Variants in HDX observed in about 807,000 individuals in gnomAD.
HDX encodes chromosome X open reading frame 43.
HDX carries 19 observed loss-of-function variants against 45.2 expected under a neutral mutation model. The ratio of observed to expected loss-of-function variants is 0.42; its 90% CI spans 0.29 to 0.62. The LOEUF is 0.62. HDX is among the 20% of genes least tolerant of loss of function. The pLI is 0.20. For missense variants in HDX, 532 were observed against 493.9 expected (o/e 1.08, Z -0.73); for synonymous variants, 188 against 172.8 (o/e 1.09, Z -0.69).
chrX:84,327,917 G>T (rs1329621503), intron 9 of HDX, among the ~76,000 whole-genome samples: 1 of 110,749 alleles, frequency 9.0e-6, no homozygotes, highest in African/African-American at 3.3e-5. Context: ...TTGAACTACT[G>T]TGCTCAAGGG....
intron 6 of HDX, among the ~76,000 whole-genome samples, chrX:84,355,076 G>T (rs1299210408): frequency 9.5e-6 from 1 of 105,230 alleles, no homozygotes; most frequent in Non-Finnish European, 2.0e-5. Flanking sequence ...AGATAATAGG[G>T]AGTTTGCCAT....
rs2036706604 is a variant in HDX at position 84,326,187 on chromosome X, T to C, written c.1938A>G (p.Glu646=). 8.3e-7 allele frequency: 1 copy of C among 1,207,844 alleles called. No individual in the cohort carries two copies. ...LILAMKADDK[E]QQQALLSDLP... ...CTTTCCTGGGACCTACCTGCTGTTG[T>C]TCCTTATCATCAGCTTTCATTGCTA... Residue 646 remains glutamate, a synonymous_variant, in exon 10 of 11, where the codon GAA becomes GAG. Transcript: ENST00000373177.
chrX:84,445,442 G>A (rs1191442812), intron 4 of HDX, among the ~76,000 whole-genome samples: 2 of 110,131 alleles, frequency 1.8e-5, no homozygotes, highest in Non-Finnish European at 3.8e-5. Flanking sequence ...CAACTATGAG[G>A]TGTACAGCAC....
In HDX at chrX:84,427,680, G is replaced by T. The variant is rs191742668; in HGVS notation, c.1305+12852C>A. Among the ~76,000 whole-genome samples, 8 of 110,953 alleles carry T rather than the reference G, an allele frequency of 7.2e-5. No homozygotes were observed. In the East Asian group the frequency reaches 2.3e-3, roughly 31 times the overall value. On this transcript the variant is annotated intron_variant, in intron 5 of 10. Transcript: ENST00000373177. ...TGTAGTTTTTTTCCTATATAGAAAT[G>T]CACAATTTGTTCATTTACCTGTTAG...
At chrX:84,342,198 A>T (rs918110262) in intron 7 of HDX, among the ~76,000 whole-genome samples, 1 of 111,709 alleles carries the variant, frequency 9.0e-6, no homozygotes, top group African/African-American at 3.2e-5. Flanking sequence ...ATGTCCAACC[A>T]CTATCTAAAA....
At chrX:84,439,948 C>G (rs982439852) in intron 5 of HDX, 1 of 111,369 alleles carries the variant, frequency 9.0e-6, no homozygotes, top group Non-Finnish European at 1.9e-5. Flanking sequence ...TATATAGGGA[C>G]CAGTCACATC....
At chrX:84,400,686 A>G (rs184438063) in intron 5 of HDX, among the ~76,000 whole-genome samples, 1 of 111,514 alleles carries the variant, frequency 9.0e-6, no homozygotes, top group East Asian at 2.8e-4. Flanking sequence ...CATTCTTCAC[A>G]GAAATAGAAA....
At chrX:84,482,636 A>G (rs2040711816) in intron 2 of HDX, among the ~76,000 whole-genome samples, 1 of 111,445 alleles carries the variant, frequency 9.0e-6, no homozygotes, top group Non-Finnish European at 1.9e-5. Flanking sequence ...TGGGAGATAT[A>G]TTTCAAGTTG....
chrX:84,391,835 A>G (rs1040084382), intron 5 of HDX, among the ~76,000 whole-genome samples: 2 of 111,793 alleles, frequency 1.8e-5, no homozygotes, highest in Admixed American at 1.9e-4. Context: ...TATTCTGGAT[A>G]TTAGTCCCTT....
intron 1 of HDX, among the ~76,000 whole-genome samples, chrX:84,495,277 T>C (rs1334726822): frequency 9.0e-6 from 1 of 111,592 alleles, no homozygotes; most frequent in Admixed American, 9.6e-5. Flanking sequence ...AGAGATCTAT[T>C]GTATAACATG....
chrX:84,448,909 T>G lies in HDX; in HGVS notation c.1252-8324A>C, dbSNP rs748705914. ...AATACAAAGAAATCAGAAAAACAAT[T>G]CAGGATATGAAAGAGAAATGTACTA... On this transcript the variant is annotated intron_variant, in intron 4 of 10. Transcript: ENST00000373177. 8.3e-5 allele frequency among the ~76,000 whole-genome samples: 9 copies of G among 108,448 alleles called. No homozygotes were observed. The East Asian group carries it at 2.6e-3, about 32-fold the overall frequency. 94.2% of individuals were successfully genotyped at this position (108,448 alleles called of 115,157 possible). A position where few individuals can be genotyped will look rare whatever the true frequency, so the allele number is the denominator to read the frequency against.
intron 4 of HDX, among the ~76,000 whole-genome samples, chrX:84,446,010 G>T (rs1391932112): frequency 9.0e-6 from 1 of 111,467 alleles, no homozygotes; most frequent in Non-Finnish European, 1.9e-5. Context: ...AAAATTCTAA[G>T]ATGTTTCAGA....
intron 5 of HDX, among the ~76,000 whole-genome samples, chrX:84,370,258 C>T (rs1345789878): frequency 9.0e-6 from 1 of 111,661 alleles, no homozygotes; most frequent in African/African-American, 3.3e-5. Flanking sequence ...CTGGACTTGG[C>T]TTTCCTCGTT....
chrX:84,424,511 TA>T (rs2148020378), intron 5 of HDX, among the ~76,000 whole-genome samples: 1 of 111,309 alleles, frequency 9.0e-6, no homozygotes, highest in South Asian at 3.7e-4. Context: ...AAATTTATCC[TA>T]AGCAAAGAGA....
At chrX:84,481,118 G>A (rs1449529711) in intron 2 of HDX, among the ~76,000 whole-genome samples, 1 of 111,107 alleles carries the variant, frequency 9.0e-6, no homozygotes, top group African/African-American at 3.3e-5. Flanking sequence ...AAAGGTATAA[G>A]GTTGTTTATT....
At chrX:84,462,255 TG>T (rs1008803346) in intron 4 of HDX, among the ~76,000 whole-genome samples, 5 of 112,072 alleles carry the variant, frequency 4.5e-5, no homozygotes, top group African/African-American at 6.5e-5. Context: ...AGACAAGATT[TG>T]GAAGCAACCT....
intron 4 of HDX, among the ~76,000 whole-genome samples, chrX:84,441,787 T>C (rs1280265749): frequency 9.1e-6 from 1 of 110,086 alleles, no homozygotes; most frequent in South Asian, 3.7e-4. Flanking sequence ...TGGTGAAATA[T>C]GTTGACCTTT....
intron 5 of HDX, among the ~76,000 whole-genome samples, chrX:84,428,890 T>A (rs954816831): frequency 9.0e-6 from 1 of 110,623 alleles, no homozygotes; most frequent in Non-Finnish European, 1.9e-5. Context: ...AATTTTTATA[T>A]ATAGTGCGCG....
At chrX:84,339,230 C>T (rs963161015) in intron 7 of HDX, among the ~76,000 whole-genome samples, 2 of 111,157 alleles carry the variant, frequency 1.8e-5, no homozygotes, top group East Asian at 2.8e-4. Context: ...GACAGAGGAG[C>T]CTTTACCTAC....
Sources: gnomAD v4.1 joint callset for allele counts (sites outside exome capture counted in the v4.1 genomes callset) on GRCh38, gnomAD v4.1.1 for gene constraint, MANE v1.5 for transcripts, NCBI Gene and HGNC (gene_info 2026-07-23, HGNC 2026-07-21) for gene names.